The following CRACD variants were observed in gnomAD, a reference collection of about 807,000 sequenced individuals.
CRACD encodes capping protein-inhibiting regulator of actin dynamics.
In CRACD, 56 loss-of-function variants were observed where a neutral mutation model predicts 106.8. The ratio of observed to expected loss-of-function variants is 0.52; its 90% CI spans 0.42 to 0.66. The LOEUF is 0.66. CRACD is among the 30% of genes least tolerant of loss of function. The pLI is 0.00. For missense variants in CRACD, 1,730 were observed against 1,623.2 expected (o/e 1.07, Z -1.13); for synonymous variants, 754 against 670.8 (o/e 1.12, Z -1.92).
intron 3 of CRACD, among the ~76,000 whole-genome samples, chr4:56,291,133 G>A (rs763137551): frequency 5.9e-5 from 9 of 152,200 alleles, no homozygotes; most frequent in Non-Finnish European, 1.0e-4. Flanking sequence ...AGAAGAGAAG[G>A]TTCCCACCTG....
At chr4:56,160,188 T>A (rs1012072709) in intron 1 of CRACD, among the ~76,000 whole-genome samples, 3 of 146,642 alleles carry the variant, frequency 2.0e-5, no homozygotes, top group Non-Finnish European at 4.5e-5. Context: ...TATTTTGATT[T>A]TTTTTTTTTT....
chr4:56,305,470 C>T (rs1400897511), intron 4 of CRACD, among the ~76,000 whole-genome samples: 1 of 152,154 alleles, frequency 6.6e-6, no homozygotes, highest in Non-Finnish European at 1.5e-5. Flanking sequence ...TATTCCATGT[C>T]CTCTTGTCTA....
chr4:56,307,445 CA>C, intron 4 of CRACD, 89 bp from the exon 5 acceptor site: 1 of 1,262,902 alleles, frequency 7.9e-7, no homozygotes, highest in Non-Finnish European at 1.1e-6. Flanking sequence ...AGGTATGCCT[CA>C]GTGCTCACTA....
chr4:56,172,080 G>T (rs56877625), intron 1 of CRACD, among the ~76,000 whole-genome samples: 1,966 of 148,436 alleles, frequency 0.013, 69 homozygotes, highest in East Asian at 0.11. Flanking sequence ...CTGGAAATGG[G>T]TCTCCTGTCC....
chr4:56,090,555 C>T (rs796715385), intron 1 of CRACD, among the ~76,000 whole-genome samples: 2 of 152,130 alleles, frequency 1.3e-5, no homozygotes, highest in South Asian at 2.1e-4. Context: ...CCACCACACC[C>T]AGGTAATTTT....
chr4:56,134,523 G>A (rs148459589), intron 1 of CRACD, among the ~76,000 whole-genome samples: 2 of 152,188 alleles, frequency 1.3e-5, no homozygotes, highest in East Asian at 3.9e-4. Context: ...TGGGCAAGCA[G>A]CTCTGTCTGA....
At chr4:56,184,139 C>T (rs1172871335) in intron 2 of CRACD, among the ~76,000 whole-genome samples, 1 of 152,116 alleles carries the variant, frequency 6.6e-6, no homozygotes. Flanking sequence ...GGCGCGATCT[C>T]AGCTCACGGC....
At position 56,313,106 on chromosome 4, in the gene CRACD, G is replaced by A. The variant is rs1298805395; in HGVS notation, c.355-91G>A. On this transcript the variant is annotated intron_variant, in intron 6 of 10. Transcript: ENST00000682029. Reference sequence around the variant, plus strand: ...GCATTCCCTGGGCCAGGCTGGGCGAGGCGCACACTGGAACGAGTGCCACCG... The same window carrying A: ...GCATTCCCTGGGCCAGGCTGGGCGAAGCGCACACTGGAACGAGTGCCACCG... 18 of 1,162,328 alleles carry A rather than the reference G, an allele frequency of 1.5e-5. No homozygotes were observed. In the African/African-American group the frequency reaches 1.7e-4, roughly 11 times the overall value. The allele number at this position is 1,162,328 out of a possible 1,614,324, so 72.0% of individuals were successfully genotyped here. A position where few individuals can be genotyped will look rare whatever the true frequency, so the allele number is the denominator to read the frequency against.
intron 3 of CRACD, among the ~76,000 whole-genome samples, chr4:56,286,545 A>AAAAAAAAAAAAAAAAAAT (rs1743362337): frequency 7.3e-6 from 1 of 136,904 alleles, no homozygotes; most frequent in Non-Finnish European, 1.6e-5. Flanking sequence ...AAAAAAAAAA[A>AAAAAAAAAAAAAAAAAAT]AAGATTACCG....
intron 4 of CRACD, among the ~76,000 whole-genome samples, chr4:56,303,701 A>G (rs1250998679): frequency 6.6e-6 from 1 of 152,198 alleles, no homozygotes; most frequent in Non-Finnish European, 1.5e-5. Flanking sequence ...CCACAGGGAG[A>G]GCCTGTAGGG....
At chr4:56,055,024 C>G (rs1015154719) in intron 1 of CRACD, among the ~76,000 whole-genome samples, 1 of 152,136 alleles carries the variant, frequency 6.6e-6, no homozygotes, top group African/African-American at 2.4e-5. Flanking sequence ...CCCTGAAACA[C>G]TTTAAAAAAT....
chr4:56,297,054 G>A (rs535204090), intron 3 of CRACD, among the ~76,000 whole-genome samples: 17 of 152,026 alleles, frequency 1.1e-4, no homozygotes, highest in Middle Eastern at 6.8e-3. Flanking sequence ...CAAGTAGCTG[G>A]GATTATAGGC....
At chr4:56,196,578 A>T (rs1235774036) in intron 2 of CRACD, among the ~76,000 whole-genome samples, 1 of 152,228 alleles carries the variant, frequency 6.6e-6, no homozygotes, top group Non-Finnish European at 1.5e-5. Flanking sequence ...AAGCACCTAG[A>T]TATAAGCAAA....
chr4:56,272,009 G>A (rs971185579), intron 2 of CRACD, among the ~76,000 whole-genome samples: 1 of 152,196 alleles, frequency 6.6e-6, no homozygotes, highest in East Asian at 1.9e-4. Context: ...CTCCCAAAGT[G>A]TTGGGATTAC....
chr4:56,324,278 G>A lies in CRACD; in HGVS notation c.3541+12G>A, dbSNP rs751061613. ...TACGTCTGTGACAGGTAGAGAGCAGGTCCATTGCTTTGTAACTGTAGTTCC... is the reference window on the plus strand; with the variant it reads ...TACGTCTGTGACAGGTAGAGAGCAGATCCATTGCTTTGTAACTGTAGTTCC... On this transcript the variant is annotated intron_variant, in intron 10 of 10. Transcript: ENST00000682029. 5 of 1,606,844 alleles carry A rather than the reference G, an allele frequency of 3.1e-6. No homozygotes were observed. The highest frequency in any genetic ancestry group is 1.3e-5 in the African/African-American group (1 of 74,774).
intron 1 of CRACD, among the ~76,000 whole-genome samples, chr4:56,135,421 G>A (rs1448997867): frequency 2.0e-5 from 3 of 152,234 alleles, no homozygotes; most frequent in Admixed American, 6.5e-5. Context: ...TTCCAGGTAA[G>A]GGACTAGGCC....
intron 2 of CRACD, among the ~76,000 whole-genome samples, chr4:56,218,281 C>CT (rs1030605603): frequency 2.6e-5 from 4 of 151,884 alleles, no homozygotes; most frequent in African/African-American, 7.2e-5. Flanking sequence ...TTCTTCTTTT[C>CT]TTTTTTTTCA....
intron 8 of CRACD, among the ~76,000 whole-genome samples, chr4:56,317,224 G>C (rs1745733261): frequency 6.6e-6 from 1 of 152,214 alleles, no homozygotes; most frequent in South Asian, 2.1e-4. Flanking sequence ...CCAGCTCATT[G>C]ACTACGTCAC....
intron 1 of CRACD, among the ~76,000 whole-genome samples, chr4:56,143,626 T>A (rs1735280524): frequency 6.6e-6 from 1 of 152,192 alleles, no homozygotes; most frequent in South Asian, 2.1e-4. Flanking sequence ...GGTTTCCTAA[T>A]TTTGTGTCAT....
Sources: gnomAD v4.1 joint callset for allele counts (sites outside exome capture counted in the v4.1 genomes callset) on GRCh38, gnomAD v4.1.1 for gene constraint, MANE v1.5 for transcripts, NCBI Gene and HGNC (gene_info 2026-07-23, HGNC 2026-07-21) for gene names.